The following SORBS2 variants were observed in gnomAD, a reference collection of about 807,000 sequenced individuals.
The protein encoded by SORBS2 is sorbin and SH3 domain containing 2.
SORBS2 carries 46 observed loss-of-function variants against 97.7 expected under a neutral mutation model. That is an observed-to-expected ratio of 0.47 (90% CI 0.37 to 0.60). The LOEUF is 0.60. Among genes scored for constraint, SORBS2 ranks in the 20% least tolerant of loss-of-function variants. The pLI, the probability that SORBS2 is intolerant of heterozygous loss-of-function variation, is 0.00. For synonymous variants in SORBS2, 476 were observed against 473.4 expected, an observed-to-expected ratio of 1.01 and a Z score of -0.07; for missense variants, 1,316 against 1,282.3, an observed-to-expected ratio of 1.03 and a Z score of -0.40.
chr4:185,660,006 T>C (rs554671569), upstream of SORBS2, among the ~76,000 whole-genome samples: 2 of 152,324 alleles, frequency 1.3e-5, no homozygotes, highest in East Asian at 3.9e-4. Context: ...AGCAATCTTT[T>C]GTCCTAAACT....
intron 1 of SORBS2, among the ~76,000 whole-genome samples, chr4:185,788,041 C>T (rs1225591463): frequency 6.6e-6 from 1 of 152,236 alleles, no homozygotes; most frequent in African/African-American, 2.4e-5. Flanking sequence ...AGATCCAGAT[C>T]TGAGATGGGA....
intron 1 of SORBS2, among the ~76,000 whole-genome samples, chr4:185,926,302 C>T (rs983146077): frequency 6.6e-6 from 1 of 152,164 alleles, no homozygotes; most frequent in Non-Finnish European, 1.5e-5. Flanking sequence ...CTCGAACTAG[C>T]GTGGTGGCGG....
intron 1 of SORBS2, among the ~76,000 whole-genome samples, chr4:185,874,841 G>GC (rs139193725): frequency 0.17 from 23,769 of 136,358 alleles, 2,711 homozygotes; most frequent in East Asian, 0.49. Context: ...CACTATTATT[G>GC]GTTTTACCTT....
chr4:185,635,482 T>C (rs2096980980), intron 4 of SORBS2, 71 bp from the exon 16 acceptor site: 2 of 1,131,574 alleles, frequency 1.8e-6, no homozygotes, highest in African/African-American at 1.6e-5. Context: ...CAGCAAGGAA[T>C]GAACATGTGG....
At chr4:185,729,323 C>T (rs910207599) in intron 2 of SORBS2, among the ~76,000 whole-genome samples, 16 of 152,220 alleles carry the variant, frequency 1.1e-4, no homozygotes, top group Non-Finnish European at 4.4e-5. Flanking sequence ...TCATCTCTTT[C>T]TGGGCCCGCT....
intron 4 of SORBS2, among the ~76,000 whole-genome samples, chr4:185,673,938 T>G (rs1561840672): frequency 1.3e-5 from 2 of 152,160 alleles, no homozygotes. Flanking sequence ...CCAGATTTCC[T>G]CCTCCCTTAG....
At chr4:185,938,431 C>CACACACAG (rs1554055084) in intron 1 of SORBS2, among the ~76,000 whole-genome samples, 4 of 145,438 alleles carry the variant, frequency 2.8e-5, no homozygotes, top group African/African-American at 1.0e-4. Flanking sequence ...CACACACACA[C>CACACACAG]CCTTTTATTC....
intron 1 of SORBS2, among the ~76,000 whole-genome samples, chr4:185,849,000 AG>A (rs548970276): frequency 1.6e-4 from 24 of 152,228 alleles, no homozygotes; most frequent in Admixed American, 3.3e-4. Flanking sequence ...TCTGTGACAC[AG>A]GGACTTGACA....
chr4:185,828,966 T>C (rs1391866), intron 1 of SORBS2, among the ~76,000 whole-genome samples: 150,281 of 152,254 alleles, frequency 0.99, 74,200 homozygotes, highest in Middle Eastern at 1. Context: ...CATTGCTATG[T>C]TATGGGACAA....
rs116792761 is a variant in SORBS2, at chr4:185,903,908, A to C, written c.-338+52288T>G. Among the ~76,000 whole-genome samples, 1,260 of 152,342 alleles carry C rather than the reference A, an allele frequency of 8.3e-3. 16 individuals carry two copies. The highest frequency in any genetic ancestry group is 0.029 in the African/African-American group (1,186 of 41,570). ...GGATAATTACTGTGGCATTCTGTTA[A>C]GATCATACTTGACTTAGAAAACTAG... On this transcript the variant is annotated intron_variant, in intron 1 of 20. Transcript: ENST00000284776.
At chr4:185,916,741 T>G (rs1022154091) in intron 1 of SORBS2, among the ~76,000 whole-genome samples, 1 of 152,180 alleles carries the variant, frequency 6.6e-6, no homozygotes, top group African/African-American at 2.4e-5. Flanking sequence ...AGGAGAGCGA[T>G]GCTATTAAAC....
chr4:185,655,618 T>G (rs2097386398), intron 1 of SORBS2, among the ~76,000 whole-genome samples: 1 of 152,236 alleles, frequency 6.6e-6, no homozygotes, highest in African/African-American at 2.4e-5. Context: ...TTCTATTTTA[T>G]AGAAGGGAAA....
chr4:185,610,014 A>G (rs2096507679), intron 12 of SORBS2, among the ~76,000 whole-genome samples: 1 of 152,222 alleles, frequency 6.6e-6, no homozygotes, highest in South Asian at 2.1e-4. Context: ...AAAACTGGTT[A>G]TTAGTGAAAT....
intron 1 of SORBS2, among the ~76,000 whole-genome samples, chr4:185,821,401 C>A (rs1561204925): frequency 1.3e-5 from 2 of 152,128 alleles, no homozygotes; most frequent in African/African-American, 4.8e-5. Context: ...CTGGAAATAA[C>A]AAGCCACCAT....
chr4:185,764,126 C>T lies in SORBS2; in HGVS notation c.-198+11101G>A, dbSNP rs1451088743. Reference sequence around the variant, plus strand: ...CAGGTAGTCCTATTTTGCCTGGTATCGTGTCAACAGGAAACTCAAGCATAT... The same window carrying T: ...CAGGTAGTCCTATTTTGCCTGGTATTGTGTCAACAGGAAACTCAAGCATAT... On this transcript the variant is annotated intron_variant, in intron 2 of 20. Transcript: ENST00000284776. Among the ~76,000 whole-genome samples, 4 of 152,164 alleles carry T rather than the reference C, an allele frequency of 2.6e-5. No homozygotes were observed. The South Asian group carries it at 6.2e-4, about 24-fold the overall frequency.
At position 185,684,622 on chromosome 4, in the gene SORBS2, G is replaced by A; in HGVS notation, c.-197-5800C>T. 1 of 675,072 alleles carries A rather than the reference G, an allele frequency of 1.5e-6. No individual in the cohort carries two copies. The highest frequency in any genetic ancestry group is 2.5e-6 in the Non-Finnish European group (1 of 402,910). 41.8% of individuals were successfully genotyped at this position (675,072 alleles called of 1,614,324 possible). On this transcript the variant is annotated intron_variant, in intron 2 of 20. Transcript: ENST00000284776. This position sits in a 1 kb window ranked among gnomAD's most constrained non-coding sequence, Gnocchi z 4.2. ...AACCTATTTTTGGCAAGTGACTGCT[G>A]TTTTTAATTACACATTTAAAATGTT...
chr4:185,753,217 G>A (rs548318204), intron 2 of SORBS2, among the ~76,000 whole-genome samples: 2 of 152,234 alleles, frequency 1.3e-5, no homozygotes, highest in Admixed American at 6.5e-5. Flanking sequence ...TTCTTTTATA[G>A]GACACCAACC....
At position 185,924,955 on chromosome 4, in the gene SORBS2, G is replaced by A. The variant is rs186567892; in HGVS notation, c.-338+31241C>T. On this transcript the variant is annotated intron_variant, in intron 1 of 20. Transcript: ENST00000284776. ...TGGTGTTCCTCCAGTCATCCGAGTC[G>A]TATCAACTTGTTCCCACCCCAAAAA... 1.6e-3 allele frequency among the ~76,000 whole-genome samples: 246 copies of A among 152,162 alleles called. 1 individual carries two copies. Among genetic ancestry groups the A allele is most frequent in the South Asian group, 5.0e-3 (24 of 4,818 alleles).
At chr4:185,668,353 C>A (rs2097651650) in intron 4 of SORBS2, among the ~76,000 whole-genome samples, 1 of 152,214 alleles carries the variant, frequency 6.6e-6, no homozygotes, top group Admixed American at 6.5e-5. Context: ...ATTTCTTTCA[C>A]CACCTCCTGA....
Sources: allele counts gnomAD v4.1 joint callset (sites outside exome capture counted in the v4.1 genomes callset), GRCh38; gene constraint gnomAD v4.1.1; non-coding constraint Gnocchi (gnomAD v3.1); transcripts MANE v1.5; gene names NCBI Gene and HGNC (gene_info 2026-07-23, HGNC 2026-07-21).